SORCS1: variants seen among roughly 807,000 people sequenced by gnomAD.
The protein encoded by SORCS1 is sortilin related VPS10 domain containing receptor 1.
SORCS1 carries 60 observed loss-of-function variants against 146.1 expected under a neutral mutation model. That is an observed-to-expected ratio of 0.41 (90% CI 0.33 to 0.51). The LOEUF is 0.51. Ranked by LOEUF, SORCS1 falls within the 20% of genes least tolerant of loss-of-function variation. The pLI, the probability that SORCS1 is intolerant of heterozygous loss-of-function variation, is 0.21. For synonymous variants in SORCS1, 637 were observed against 584.0 expected, an observed-to-expected ratio of 1.09 and a Z score of -1.31; for missense variants, 1,352 against 1,487.6, an observed-to-expected ratio of 0.91 and a Z score of 1.50.
chr10:107,041,501 C>T (rs571043873), intron 1 of SORCS1, among the ~76,000 whole-genome samples: 65 of 152,096 alleles, frequency 4.3e-4, no homozygotes, highest in African/African-American at 1.3e-3. Context: ...ATCAGCTTGA[C>T]ATTTTAGTTA....
chr10:107,117,144 G>A (rs1966091180), intron 1 of SORCS1, among the ~76,000 whole-genome samples: 1 of 152,154 alleles, frequency 6.6e-6, no homozygotes, highest in African/African-American at 2.4e-5. Flanking sequence ...AAGTGAAAAA[G>A]CATGGCCAAT....
chr10:106,770,910 G>C (rs201580758), intron 4 of SORCS1, among the ~76,000 whole-genome samples: 1 of 152,212 alleles, frequency 6.6e-6, no homozygotes, highest in South Asian at 2.1e-4. Context: ...ACGTGGTCTT[G>C]AACGTCCACA....
chr10:106,694,127 A>G (rs1853512210), intron 9 of SORCS1, among the ~76,000 whole-genome samples: 1 of 152,198 alleles, frequency 6.6e-6, no homozygotes, highest in East Asian at 1.9e-4. Flanking sequence ...GGGTGCCTTC[A>G]CAATCAGGGA....
intron 1 of SORCS1, among the ~76,000 whole-genome samples, chr10:107,050,650 A>G (rs2134046881): frequency 6.6e-6 from 1 of 152,268 alleles, no homozygotes; most frequent in East Asian, 1.9e-4. Flanking sequence ...CAGCAGTTGA[A>G]CCAAAGCTCC....
intron 1 of SORCS1, among the ~76,000 whole-genome samples, chr10:107,161,932 G>A (rs897491067): frequency 4.6e-5 from 7 of 152,140 alleles, no homozygotes; most frequent in Non-Finnish European, 4.4e-5. Flanking sequence ...ACTTCAGGGG[G>A]CAGAAATCTC....
chr10:106,966,144 A>G (rs1448611406), intron 1 of SORCS1, among the ~76,000 whole-genome samples: 3 of 152,322 alleles, frequency 2.0e-5, no homozygotes, highest in East Asian at 1.9e-4. Flanking sequence ...ATCATCATTT[A>G]GATTTAAGTG....
At chr10:106,878,550 C>T (rs1299181352) in intron 2 of SORCS1, among the ~76,000 whole-genome samples, 2 of 146,676 alleles carry the variant, frequency 1.4e-5, no homozygotes, top group African/African-American at 5.1e-5. Context: ...ACCAAATCTG[C>T]CAGTGCCTTG....
intron 16 of SORCS1, among the ~76,000 whole-genome samples, chr10:106,670,830 A>C (rs1054495349): frequency 5.3e-5 from 8 of 151,308 alleles, no homozygotes; most frequent in Middle Eastern, 3.2e-3. Context: ...AGCAGCTGGG[A>C]TTACAGGTGT....
intron 1 of SORCS1, among the ~76,000 whole-genome samples, chr10:107,075,518 T>G (rs1962801865): frequency 6.6e-6 from 1 of 152,110 alleles, no homozygotes; most frequent in African/African-American, 2.4e-5. Context: ...GAAGCAGGAT[T>G]GTTGATACTG....
intron 1 of SORCS1, among the ~76,000 whole-genome samples, chr10:107,087,088 G>A (rs1963819665): frequency 6.6e-6 from 1 of 152,016 alleles, no homozygotes; most frequent in Non-Finnish European, 1.5e-5. Context: ...CTAGACTGAG[G>A]GTTTCAATTT....
chr10:106,586,094 T>C (rs1268892901), intron 24 of SORCS1, among the ~76,000 whole-genome samples: 5 of 152,218 alleles, frequency 3.3e-5, no homozygotes, highest in Admixed American at 3.3e-4. Flanking sequence ...TCCTCAAAAG[T>C]CTCTTTCAAC....
intron 4 of SORCS1, among the ~76,000 whole-genome samples, chr10:106,769,944 T>C (rs1859885006): frequency 6.6e-6 from 1 of 151,930 alleles, no homozygotes; most frequent in Non-Finnish European, 1.5e-5. Flanking sequence ...AATGCAAAAA[T>C]TAGACAGGCA....
At chr10:106,974,458 A>T (rs1955912500) in intron 1 of SORCS1, among the ~76,000 whole-genome samples, 2 of 152,152 alleles carry the variant, frequency 1.3e-5, no homozygotes, top group Admixed American at 1.3e-4. Context: ...GTTTGGGTGG[A>T]GAGTGAATAT....
At chr10:107,144,787 GT>G (rs1311734897) in intron 1 of SORCS1, among the ~76,000 whole-genome samples, 1 of 152,222 alleles carries the variant, frequency 6.6e-6, no homozygotes, top group Non-Finnish European at 1.5e-5. Context: ...CAATATAAGA[GT>G]GGTCACAATT....
At chr10:106,744,025 C>T (rs373737759) in intron 5 of SORCS1, among the ~76,000 whole-genome samples, 7 of 152,114 alleles carry the variant, frequency 4.6e-5, no homozygotes, top group East Asian at 1.9e-4. Context: ...TTTTGCCAGC[C>T]GTACAATATT....
At chr10:106,728,427 T>C (rs1311155159) in intron 6 of SORCS1, among the ~76,000 whole-genome samples, 1 of 152,234 alleles carries the variant, frequency 6.6e-6, no homozygotes, top group Non-Finnish European at 1.5e-5. Flanking sequence ...AAAGCTGCTC[T>C]GACCTGTTGA....
chr10:106,808,151 C>T (rs1311471080), intron 3 of SORCS1, among the ~76,000 whole-genome samples: 1 of 152,216 alleles, frequency 6.6e-6, no homozygotes, highest in East Asian at 1.9e-4. Flanking sequence ...TCCCGAGTAG[C>T]TGGGATTAAG....
chr10:106,921,164 C>T (rs1313649532), intron 2 of SORCS1, among the ~76,000 whole-genome samples: 2 of 152,124 alleles, frequency 1.3e-5, no homozygotes, highest in African/African-American at 4.8e-5. Context: ...TTTAAAGCCC[C>T]AAATTTGGAG....
intron 1 of SORCS1, among the ~76,000 whole-genome samples, chr10:107,118,078 C>T (rs1966152294): frequency 6.6e-6 from 1 of 152,110 alleles, no homozygotes; most frequent in Non-Finnish European, 1.5e-5. Flanking sequence ...ATCCCCAGTG[C>T]AATGATATTT....
Sources: allele counts gnomAD v4.1 joint callset (sites outside exome capture counted in the v4.1 genomes callset), GRCh38; gene constraint gnomAD v4.1.1; transcripts MANE v1.5; gene names NCBI Gene and HGNC (gene_info 2026-07-23, HGNC 2026-07-21).